Variants in PDE1C observed in about 807,000 individuals in gnomAD.
PDE1C encodes the protein phosphodiesterase 1C.
A neutral mutation model predicts 93.1 loss-of-function variants in PDE1C; 62 were observed. That is an observed-to-expected ratio of 0.67 (90% CI 0.54 to 0.82). The LOEUF is 0.82. Ranked by LOEUF, PDE1C falls within the 40% of genes least tolerant of loss-of-function variation. PDE1C has a pLI of 0.00. For missense variants in PDE1C, 742 were observed against 884.6 expected, an observed-to-expected ratio of 0.84 and a Z score of 2.04; for synonymous variants, 325 against 310.1, an observed-to-expected ratio of 1.05 and a Z score of -0.50.
the PDE1C span, among the ~76,000 whole-genome samples, chr7:31,676,785 A>G: frequency 6.6e-6 from 1 of 152,218 alleles, no homozygotes; most frequent in South Asian, 2.1e-4. Context: ...AAATTTAAAT[A>G]GACAATTCAT....
chr7:31,677,646 T>C, the PDE1C span, among the ~76,000 whole-genome samples: 1 of 152,170 alleles, frequency 6.6e-6, no homozygotes, highest in Admixed American at 6.5e-5. Flanking sequence ...TTACATACTT[T>C]CCAAATGACT....
At position 32,205,331 on chromosome 7, in the gene PDE1C, G is replaced by T. The variant is rs1584953340; in HGVS notation, c.136+4158C>A. Among the ~76,000 whole-genome samples, 6 of 152,310 alleles carry T rather than the reference G, an allele frequency of 3.9e-5. No homozygotes were observed. The East Asian group carries it at 1.2e-3, about 29-fold the overall frequency. On this transcript the variant is annotated intron_variant, in intron 2 of 18. Coordinates refer to the PDE1C transcript ENST00000396193. ...CACAACAACTTGGAAATAAGCTCTA[G>T]CATTGAGGTGAATCTGGCTGGGCTT...
intron 15 of PDE1C, among the ~76,000 whole-genome samples, chr7:31,809,580 A>G (rs1787302510): frequency 6.6e-6 from 1 of 152,094 alleles, no homozygotes; most frequent in East Asian, 1.9e-4. Context: ...ATTTTAATAA[A>G]TGATCTTGTC....
intron 3 of PDE1C, among the ~76,000 whole-genome samples, chr7:32,147,983 C>CCAAAAAAAAAAAAAAAAAAAA (rs1801000705): frequency 9.8e-5 from 1 of 10,158 alleles, no homozygotes; most frequent in Non-Finnish European, 1.7e-4. Context: ...CCCATTTATG[C>CCAAAAAAAAAAAAAAAAAAAA]TAAAAAAAAA....
intron 16 of PDE1C, 82 bp from the exon 17 acceptor site, chr7:31,775,814 A>G: frequency 8.4e-7 from 1 of 1,188,048 alleles, no homozygotes. Flanking sequence ...CTGAAATGTT[A>G]TCAAGTTGGG....
At chr7:31,794,321 A>T (rs1263754593) in intron 16 of PDE1C, among the ~76,000 whole-genome samples, 1 of 151,936 alleles carries the variant, frequency 6.6e-6, no homozygotes, top group African/African-American at 2.4e-5. Context: ...CAAAAACCCC[A>T]TTTACTTTTG....
chr7:31,925,314 G>C (rs967980211), intron 2 of PDE1C, among the ~76,000 whole-genome samples: 2 of 152,026 alleles, frequency 1.3e-5, no homozygotes, highest in South Asian at 4.2e-4. Flanking sequence ...ACCCATCAGT[G>C]GGGAGAATAG....
At chr7:32,398,210 G>A (rs1030954864) in intron 1 of PDE1C, among the ~76,000 whole-genome samples, 8 of 151,492 alleles carry the variant, frequency 5.3e-5, no homozygotes, top group African/African-American at 1.9e-4. Flanking sequence ...CTACTCAGGA[G>A]GCTGAGGCAG....
At chr7:32,159,561 G>C (rs879548940) in intron 3 of PDE1C, among the ~76,000 whole-genome samples, 18 of 152,228 alleles carry the variant, frequency 1.2e-4, no homozygotes, top group Middle Eastern at 3.4e-3. Context: ...CCAGTGTAGA[G>C]TCCCATATCA....
At chr7:32,271,936 G>A (rs1810994974) in intron 1 of PDE1C, among the ~76,000 whole-genome samples, 1 of 152,158 alleles carries the variant, frequency 6.6e-6, no homozygotes, top group South Asian at 2.1e-4. Context: ...AACTCCTGGG[G>A]TGTTGCAACC....
chr7:31,859,032 A>G (rs1794355212), intron 7 of PDE1C, among the ~76,000 whole-genome samples: 1 of 151,420 alleles, frequency 6.6e-6, no homozygotes, highest in Admixed American at 6.6e-5. Context: ...TTTAAGTGAT[A>G]GAATAACCCA....
chr7:32,308,639 G>T (rs1223967036), intron 1 of PDE1C, among the ~76,000 whole-genome samples: 1 of 152,216 alleles, frequency 6.6e-6, no homozygotes, highest in Non-Finnish European at 1.5e-5. Context: ...AGGCAAACAG[G>T]GTCTGGAGTG....
intron 6 of PDE1C, among the ~76,000 whole-genome samples, chr7:31,870,536 T>TA (rs1795818887): frequency 1.3e-5 from 2 of 151,902 alleles, no homozygotes; most frequent in Non-Finnish European, 2.9e-5. Flanking sequence ...ACATACAACT[T>TA]ACCAAAATTG....
the PDE1C span, among the ~76,000 whole-genome samples, chr7:31,625,542 T>C: frequency 6.6e-6 from 1 of 152,012 alleles, no homozygotes; most frequent in East Asian, 1.9e-4. Context: ...AGACACCACA[T>C]ATTCTCACTC....
chr7:31,934,381 A>G (rs1411731302), intron 2 of PDE1C, among the ~76,000 whole-genome samples: 1 of 152,236 alleles, frequency 6.6e-6, no homozygotes, highest in South Asian at 2.1e-4. Context: ...ATTTTTGTTC[A>G]TAAGTGTAAT....
the PDE1C span, among the ~76,000 whole-genome samples, chr7:31,628,633 T>A: frequency 2.6e-5 from 4 of 151,994 alleles, no homozygotes; most frequent in Non-Finnish European, 4.4e-5. Context: ...AATTTTTGTA[T>A]TTTTAGTAGA....
chr7:31,818,682 T>C (rs1562858595), intron 14 of PDE1C, among the ~76,000 whole-genome samples: 1 of 152,142 alleles, frequency 6.6e-6, no homozygotes, highest in Admixed American at 6.6e-5. Flanking sequence ...AAAAGATGAC[T>C]ATTTTTACTA....
chr7:32,107,544 C>A (rs1798392465), intron 3 of PDE1C, among the ~76,000 whole-genome samples: 2 of 152,128 alleles, frequency 1.3e-5, no homozygotes, highest in South Asian at 4.2e-4. Flanking sequence ...ACTTAGAATT[C>A]TGTAGCCAGC....
At chr7:32,029,927 A>C (rs575737056) in intron 2 of PDE1C, among the ~76,000 whole-genome samples, 1 of 152,236 alleles carries the variant, frequency 6.6e-6, no homozygotes, top group East Asian at 1.9e-4. Context: ...GAAACAACTT[A>C]AGTGCCTATC....
Sources: allele counts gnomAD v4.1 joint callset (sites outside exome capture counted in the v4.1 genomes callset), GRCh38; gene constraint gnomAD v4.1.1; transcripts MANE v1.5; gene names NCBI Gene and HGNC (gene_info 2026-07-23, HGNC 2026-07-21).